The following NOTCH2NLB variants were observed in gnomAD, a reference collection of about 807,000 sequenced individuals.
NOTCH2NLB encodes notch homolog 2 N-terminal-like protein B.
Under a neutral mutation model 14.8 loss-of-function variants are expected in NOTCH2NLB, and 1 was observed. The observed-to-expected ratio is 0.07, with a 90% CI of 0.02 to 0.32. NOTCH2NLB has a LOEUF of 0.32. NOTCH2NLB is among the 10% of genes least tolerant of loss of function. NOTCH2NLB has a pLI of 1.00. For synonymous variants in NOTCH2NLB, 6 were observed against 57.5 expected (o/e 0.10, Z 4.05); for missense variants, 11 against 155.0 (o/e 0.07, Z 4.93).
chr1:148,673,785 A>G (rs1395047265), intron 1 of NOTCH2NLB, among the ~76,000 whole-genome samples: 3 of 148,044 alleles, frequency 2.0e-5, no homozygotes, highest in African/African-American at 4.9e-5. Context: ...TGTCTCTAAT[A>G]CTCTCAAAAA....
chr1:148,651,162 A>AATATATATAT (rs1218372509), intron 1 of NOTCH2NLB, among the ~76,000 whole-genome samples: 92 of 45,936 alleles, frequency 2.0e-3, no homozygotes, highest in Non-Finnish European at 3.0e-3. Context: ...AAAAAAAAAA[A>AATATATATAT]ATATATATAT....
At chr1:148,658,559 T>TTC (rs1664571872) in intron 1 of NOTCH2NLB, among the ~76,000 whole-genome samples, 1 of 83,870 alleles carries the variant, frequency 1.2e-5, no homozygotes, top group African/African-American at 5.6e-5. Flanking sequence ...ACTTTTTTTT[T>TTC]TTTTTTTTTT....
At chr1:148,651,160 A>ATATATATATATAT (rs1277364573) in intron 1 of NOTCH2NLB, among the ~76,000 whole-genome samples, 5 of 46,672 alleles carry the variant, frequency 1.1e-4, no homozygotes, top group African/African-American at 2.7e-4. Flanking sequence ...AAAAAAAAAA[A>ATATATATATATAT]AAATATATAT....
chr1:148,679,438 A>G (rs1296249080), intron 1 of NOTCH2NLB, 24 bp downstream of exon 1: 1 of 987,014 alleles, frequency 1.0e-6, no homozygotes, highest in African/African-American at 2.1e-5. Flanking sequence ...CGCCGCGGAC[A>G]GCGCCCCTCA....
At chr1:148,636,834 T>A in intron 2 of NOTCH2NLB, among the ~76,000 whole-genome samples, 1 of 139,940 alleles carries the variant, frequency 7.1e-6, no homozygotes, top group Non-Finnish European at 1.5e-5. Flanking sequence ...CTCCTAAATA[T>A]GCTAATATTA....
chr1:148,673,995 TA>T (rs1218751235), intron 1 of NOTCH2NLB, among the ~76,000 whole-genome samples: 1 of 70,764 alleles, frequency 1.4e-5, no homozygotes, highest in Non-Finnish European at 3.2e-5. Context: ...CACTGCTTGA[TA>T]AATGTTATTC....
At chr1:148,610,346 A>AAAGAAAGAAAGAAAGG (rs1663652661) in intron 3 of NOTCH2NLB, among the ~76,000 whole-genome samples, 3 of 110,456 alleles carry the variant, frequency 2.7e-5, no homozygotes, top group Non-Finnish European at 5.6e-5. Context: ...AGAAAGAAAG[A>AAAGAAAGAAAGAAAGG]AAGAAAGAAA....
intron 1 of NOTCH2NLB, among the ~76,000 whole-genome samples, chr1:148,674,535 C>T (rs1664811930): frequency 1.3e-5 from 1 of 74,222 alleles, no homozygotes; most frequent in Admixed American, 1.3e-4. Flanking sequence ...CAGCTTTCAA[C>T]TGATCCTATC....
downstream of NOTCH2NLB, among the ~76,000 whole-genome samples, chr1:148,605,527 T>C (rs1156715836): frequency 1.4e-5 from 2 of 142,206 alleles, no homozygotes; most frequent in Non-Finnish European, 3.0e-5. Flanking sequence ...CCTTACTCTA[T>C]TTCACTAGCC....
exon 1 of NOTCH2NLB, chr1:148,679,688 T>C: frequency 9.9e-7 from 1 of 1,014,536 alleles, no homozygotes; most frequent in Non-Finnish European, 1.2e-6. Flanking sequence ...ATGCCTCGAC[T>C]CCCCGCGCCC....
intron 1 of NOTCH2NLB, among the ~76,000 whole-genome samples, chr1:148,670,420 AAT>A (rs1384860972): frequency 6.9e-6 from 1 of 145,934 alleles, no homozygotes; most frequent in Non-Finnish European, 1.5e-5. Flanking sequence ...AAGATTAAGT[AAT>A]ATTTACCACT....
chr1:148,685,829 C>CA, the NOTCH2NLB span, among the ~76,000 whole-genome samples: 38,222 of 68,320 alleles, frequency 0.56, 7,803 homozygotes, highest in Admixed American at 0.61. Flanking sequence ...ACCCTGTCTC[C>CA]AAAAAAAAAA....
chr1:148,654,658 CA>C lies in NOTCH2NLB; in HGVS notation c.4-14570del, dbSNP rs1314423159. On this transcript the variant is annotated intron_variant, in intron 1 of 4. Transcript: ENST00000593495. Reference sequence around the variant, plus strand: ...ACTAAAGAACTATAGAAAATAATGACATATTAAAAAAGATCACTCCTCTGTT... The same window carrying C: ...ACTAAAGAACTATAGAAAATAATGACTATTAAAAAAGATCACTCCTCTGTT... Among the ~76,000 whole-genome samples the C allele has an allele frequency of 3.5e-5, 3 of 85,396 alleles. 1 individual carries two copies. The highest frequency in any genetic ancestry group is 7.7e-5 in the Non-Finnish European group (3 of 38,782). The allele number at this position is 85,396 out of a possible 152,430, so 56.0% of individuals were successfully genotyped here. A position where few individuals can be genotyped will look rare whatever the true frequency, so the allele number is the denominator to read the frequency against.
chr1:148,645,952 A>AGCTCCAC (rs1397271952), intron 1 of NOTCH2NLB, among the ~76,000 whole-genome samples: 3 of 150,100 alleles, frequency 2.0e-5, no homozygotes, highest in South Asian at 2.1e-4. Flanking sequence ...TTTGAATACT[A>AGCTCCAC]GCTCCACCAT....
chr1:148,654,778 A>G (rs1664519245), intron 1 of NOTCH2NLB, among the ~76,000 whole-genome samples: 1 of 94,716 alleles, frequency 1.1e-5, no homozygotes, highest in Non-Finnish European at 2.4e-5. Context: ...AGCTATAATA[A>G]GTCTATAATA....
At position 148,638,559 on chromosome 1, in the gene NOTCH2NLB, G is replaced by GT. The variant is rs1312653557; in HGVS notation, c.77+1456dup. ...ATTCTTAGAGGAGAATGCACCACAT[G>GT]TTTTTTTTCCCCCAGCTAGAAAAAC... On this transcript the variant is annotated intron_variant, in intron 2 of 4. Coordinates refer to ENST00000593495, the Ensembl canonical transcript of NOTCH2NLB. Among the ~76,000 whole-genome samples the GT allele has an allele frequency of 1.1e-3, 153 of 144,770 alleles. 5 individuals carry two copies. Among genetic ancestry groups the GT allele is most frequent in the Admixed American group, 9.0e-3 (130 of 14,514 alleles). 95.0% of individuals were successfully genotyped at this position (144,770 alleles called of 152,430 possible).
chr1:148,602,440 C>T (rs1663398530), downstream of NOTCH2NLB, among the ~76,000 whole-genome samples: 2 of 147,772 alleles, frequency 1.4e-5, no homozygotes, highest in Admixed American at 1.4e-4. Context: ...CCCACTCCAT[C>T]ACCCGCCCAG....
At chr1:148,608,907 C>T (rs1663596431) in intron 3 of NOTCH2NLB, among the ~76,000 whole-genome samples, 2 of 138,698 alleles carry the variant, frequency 1.4e-5, no homozygotes. Flanking sequence ...AGCAGGAAGA[C>T]TCTGACGGGT....
chr1:148,670,674 C>T (rs1230541256), intron 1 of NOTCH2NLB, among the ~76,000 whole-genome samples: 1 of 120,130 alleles, frequency 8.3e-6, no homozygotes, highest in Admixed American at 8.3e-5. Context: ...TTTATTTATG[C>T]TTTTCTAGAT....
Sources: gnomAD v4.1 joint callset for allele counts (sites outside exome capture counted in the v4.1 genomes callset) on GRCh38, gnomAD v4.1.1 for gene constraint, MANE v1.5 for transcripts, NCBI Gene and HGNC (gene_info 2026-07-23, HGNC 2026-07-21) for gene names.